CYLC2: variants seen among roughly 807,000 people sequenced by gnomAD.
CYLC2 encodes cylicin-2.
Under a neutral mutation model 26.1 loss-of-function variants are expected in CYLC2, and 30 were observed. The ratio of observed to expected loss-of-function variants is 1.15; its 90% confidence interval spans 0.86 to 1.56. The LOEUF is 1.56. CYLC2 is among the 40% of genes most tolerant of loss of function. The probability of loss-of-function intolerance (pLI) is 0.00; values close to 1 mark genes in which losing one functional copy is unlikely to be tolerated. For synonymous variants in CYLC2, 158 were observed against 132.8 expected (o/e 1.19, Z -1.31); for missense variants, 498 against 394.4 (o/e 1.26, Z -2.23).
intron 5 of CYLC2, among the ~76,000 whole-genome samples, chr9:103,007,228 GTC>G (rs1829362087): frequency 6.6e-6 from 1 of 152,032 alleles, no homozygotes; most frequent in South Asian, 2.1e-4. Flanking sequence ...TTTAAAAAGT[GTC>G]TGTGGAAAGG....
chr9:103,013,686 A>G (rs191729597), intron 6 of CYLC2, among the ~76,000 whole-genome samples: 6,486 of 110,782 alleles, frequency 0.059, 217 homozygotes, highest in South Asian at 0.11. Context: ...TATATGATAT[A>G]TAATATATCC....
intron 6 of CYLC2, 107 bp from the exon 7 acceptor site, chr9:103,016,781 G>C (rs1404909516): frequency 2.6e-5 from 4 of 151,984 alleles, no homozygotes; most frequent in African/African-American, 7.2e-5. Context: ...TGGCATAACA[G>C]ATGGCTGAAC....
At chr9:103,013,163 TA>T (rs1241722981) in intron 6 of CYLC2, among the ~76,000 whole-genome samples, 2 of 135,406 alleles carry the variant, frequency 1.5e-5, no homozygotes, top group African/African-American at 2.7e-5. Context: ...AAATATATAT[TA>T]TATAAATATA....
At chr9:103,016,133 T>C (rs560981997) in intron 6 of CYLC2, among the ~76,000 whole-genome samples, 119 of 151,952 alleles carry the variant, frequency 7.8e-4, no homozygotes, top group African/African-American at 2.7e-3. Flanking sequence ...CAGATATAAG[T>C]ATAGACATAG....
intron 3 of CYLC2, among the ~76,000 whole-genome samples, chr9:103,004,055 A>T (rs137927118): frequency 6.6e-6 from 1 of 152,062 alleles, no homozygotes; most frequent in African/African-American, 2.4e-5. Flanking sequence ...TAATATTTGT[A>T]CAGAGATTAG....
chr9:103,002,527 G>A (rs1316800155), intron 2 of CYLC2, among the ~76,000 whole-genome samples: 1 of 151,598 alleles, frequency 6.6e-6, no homozygotes, highest in African/African-American at 2.4e-5. Flanking sequence ...CACCACACCT[G>A]GTTTTTAGTA....
intron 6 of CYLC2, among the ~76,000 whole-genome samples, chr9:103,012,751 T>A (rs1244710141): frequency 6.6e-6 from 1 of 151,866 alleles, no homozygotes; most frequent in African/African-American, 2.4e-5. Flanking sequence ...TAATCAATTT[T>A]ATAGTTATTA....
At chr9:103,004,018 TTGC>T (rs1433796906) in intron 3 of CYLC2, among the ~76,000 whole-genome samples, 1 of 152,174 alleles carries the variant, frequency 6.6e-6, no homozygotes, top group African/African-American at 2.4e-5. Flanking sequence ...TCTTTTTTTC[TTGC>T]TGAATTTATT....
intron 1 of CYLC2, among the ~76,000 whole-genome samples, chr9:102,995,933 T>G (rs1829232840): frequency 6.6e-6 from 1 of 151,828 alleles, no homozygotes; most frequent in Non-Finnish European, 1.5e-5. Flanking sequence ...AAGCATATAA[T>G]CCAGACATGA....
At chr9:103,002,363 T>C (rs1406899167) in intron 2 of CYLC2, among the ~76,000 whole-genome samples, 1 of 126,480 alleles carries the variant, frequency 7.9e-6, no homozygotes, top group South Asian at 2.8e-4. Context: ...CCCCCTTTTT[T>C]TTTTTTTTTT....
intron 2 of CYLC2, among the ~76,000 whole-genome samples, chr9:103,002,330 C>G (rs1230134701): frequency 6.7e-6 from 1 of 149,120 alleles, no homozygotes; most frequent in African/African-American, 2.5e-5. Context: ...ATAACGATAC[C>G]ATTCTTGGGT....
intron 7 of CYLC2, 22 bp from the exon 8 acceptor site, chr9:103,018,303 C>T (rs1450887937): frequency 2.6e-5 from 4 of 152,076 alleles, no homozygotes; most frequent in African/African-American, 9.6e-5. Context: ...TCTCATTTGA[C>T]TCTGATTTGA....
chr9:103,016,615 A>C (rs1829509273), intron 6 of CYLC2, among the ~76,000 whole-genome samples: 1 of 151,982 alleles, frequency 6.6e-6, no homozygotes, highest in Admixed American at 6.6e-5. Flanking sequence ...TGACCTATTA[A>C]TTTCAGGTTG....
chr9:103,005,078 A>T lies in CYLC2; in HGVS notation c.447A>T (p.Lys149Asn). 2 of 1,606,922 alleles carry T rather than the reference A, an allele frequency of 1.2e-6. No individual in the cohort carries two copies. Among genetic ancestry groups the T allele is most frequent in the Non-Finnish European group, 1.7e-6 (2 of 1,177,500 alleles). ...CAAAGAAAGGCAAGGATATAGAGAA[A>T]GGAAAAGAAGAAAAGCTAGATGCAA... is the stretch of plus-strand genomic sequence containing the variant. ...KDSKKGKDIEKGKEEKLDAKK... is the reference protein window; with the variant it reads ...KDSKKGKDIENGKEEKLDAKK... Residue 149 changes from lysine (K) to asparagine (N), a missense_variant, in exon 5 of 8, where the codon AAA becomes AAT. Coordinates refer to ENST00000374798, the MANE Select transcript of CYLC2 (RefSeq NM_001340.5).
intron 6 of CYLC2, among the ~76,000 whole-genome samples, chr9:103,013,067 A>G (rs1297147606): frequency 6.9e-6 from 1 of 145,034 alleles, no homozygotes; most frequent in Non-Finnish European, 1.5e-5. Flanking sequence ...AACTAATTGT[A>G]TATGTATAAA....
chr9:103,014,681 TACA>T (rs1829473141), intron 6 of CYLC2, among the ~76,000 whole-genome samples: 1 of 136,436 alleles, frequency 7.3e-6, no homozygotes, highest in Non-Finnish European at 1.6e-5. Flanking sequence ...TTATGCAGTA[TACA>T]TATGTAATAT....
chr9:103,013,640 T>A (rs1408683587), intron 6 of CYLC2, among the ~76,000 whole-genome samples: 1 of 111,998 alleles, frequency 8.9e-6, no homozygotes, highest in African/African-American at 3.7e-5. Context: ...AGATATATAT[T>A]TATATAAAAA....
chr9:103,014,261 T>A (rs1351947619), intron 6 of CYLC2, among the ~76,000 whole-genome samples: 3 of 129,234 alleles, frequency 2.3e-5, no homozygotes, highest in Non-Finnish European at 4.6e-5. Flanking sequence ...TCACATAATA[T>A]ATTACATTAA....
At chr9:103,010,836 A>G (rs912243848) in intron 5 of CYLC2, 1 of 152,086 alleles carries the variant, frequency 6.6e-6, no homozygotes, top group African/African-American at 2.4e-5. Flanking sequence ...AGTAGTTTAC[A>G]TTAGTTGTAT....
Sources: allele counts gnomAD v4.1 joint callset (sites outside exome capture counted in the v4.1 genomes callset), GRCh38; gene constraint gnomAD v4.1.1; transcripts MANE v1.5; gene names NCBI Gene and HGNC (gene_info 2026-07-23, HGNC 2026-07-21).